EMC3: variants seen among roughly 807,000 people sequenced by gnomAD.
The protein encoded by EMC3 is 30 kDa protein.
Under a neutral mutation model 36.6 loss-of-function variants are expected in EMC3, and 13 were observed. That is an observed-to-expected ratio of 0.35 (90% CI 0.23 to 0.56). The LOEUF is 0.56. Ranked by LOEUF, EMC3 falls within the 20% of genes least tolerant of loss-of-function variation. The pLI is 0.84. For missense variants in EMC3, 220 were observed against 324.5 expected (o/e 0.68, Z 2.47); for synonymous variants, 120 against 111.9 (o/e 1.07, Z -0.46).
At chr3:9,996,809 G>A (rs74981345) in intron 1 of EMC3, among the ~76,000 whole-genome samples, 29 of 152,062 alleles carry the variant, frequency 1.9e-4, no homozygotes, top group Non-Finnish European at 4.0e-4. Context: ...ACAAATTTGT[G>A]TTTACCTGTA....
At chr3:9,982,784 G>A (rs1284817110) in intron 1 of EMC3, among the ~76,000 whole-genome samples, 1 of 151,944 alleles carries the variant, frequency 6.6e-6, no homozygotes, top group African/African-American at 2.4e-5. Flanking sequence ...CTACTCGAGA[G>A]GCTGAGGTGG....
intron 1 of EMC3, chr3:10,000,559 G>A: frequency 3.3e-6 from 1 of 305,076 alleles, no homozygotes; most frequent in East Asian, 7.6e-5. Flanking sequence ...GATTTCTGGT[G>A]TATGAGATCT....
At position 9,963,398 on chromosome 3, in the gene EMC3, A is replaced by C. The variant is rs530265245; in HGVS notation, c.*671T>G. On this transcript the variant is annotated 3_prime_UTR_variant, in exon 8 of 8. Coordinates refer to ENST00000245046, the MANE Select transcript of EMC3 (RefSeq NM_001394674.1). Reference sequence around the variant, plus strand: ...GCTAGATGTCAGGCTGACTGCACATAATCATTAGCTATAATTAACAATGCT... The same window carrying C: ...GCTAGATGTCAGGCTGACTGCACATCATCATTAGCTATAATTAACAATGCT... 6.6e-6 allele frequency: 1 copy of C among 150,918 alleles called. No homozygotes were observed. Among genetic ancestry groups the C allele is most frequent in the South Asian group, 2.1e-4 (1 of 4,788 alleles). The allele number at this position is 150,918 out of a possible 1,614,324, so 9.3% of individuals were successfully genotyped here. A position where few individuals can be genotyped will look rare whatever the true frequency, so the allele number is the denominator to read the frequency against.
intron 1 of EMC3, among the ~76,000 whole-genome samples, chr3:9,985,024 T>G (rs1387453098): frequency 3.3e-5 from 5 of 152,382 alleles, no homozygotes; most frequent in East Asian, 1.9e-4. Flanking sequence ...TGGTTATTAT[T>G]CTTCTTGGCA....
intron 5 of EMC3, among the ~76,000 whole-genome samples, chr3:9,972,778 CA>C (rs2085800674): frequency 1.3e-5 from 2 of 151,090 alleles, no homozygotes; most frequent in Admixed American, 6.6e-5. Flanking sequence ...AAAAAAAACC[CA>C]AAAAACTTTA....
chr3:9,974,487 A>T lies in EMC3; in HGVS notation c.309T>A (p.Asp103Glu). 6.3e-7 allele frequency: 1 copy of T among 1,598,546 alleles called. No individual in the cohort carries two copies. Among genetic ancestry groups the T allele is most frequent in the Non-Finnish European group, 8.6e-7 (1 of 1,166,060 alleles). Residue 103 changes from aspartate to glutamate, a missense_variant and splice_region_variant, in exon 4 of 8, where the codon GAT (aspartate) becomes GAA (glutamate). By Grantham distance (45) the Asp-to-Glu change is conservative. This residue lies in a region of EMC3 where 127 missense variants were observed against 174.6 expected (regional missense o/e 0.73). Coordinates refer to ENST00000245046, the MANE Select transcript of EMC3 (RefSeq NM_001394674.1). Reference sequence around the variant, plus strand: ...TCATCATGTCTGTCAACATAGTAGGATCTAAGACAAAAGCACAAACAAGAA... The same window carrying T: ...TCATCATGTCTGTCAACATAGTAGGTTCTAAGACAAAAGCACAAACAAGAA... The part of the protein sequence containing the change: ...RKVVPPSPMT[D>E]PTMLTDMMKG...
intron 1 of EMC3, chr3:10,003,278 C>T (rs531767307): frequency 4.9e-5 from 22 of 452,482 alleles, no homozygotes; most frequent in African/African-American, 4.4e-4. Flanking sequence ...TCAGCCTTGC[C>T]AATAAGGAGG....
At chr3:10,004,331 C>A (rs1352970168) in intron 1 of EMC3, 1 of 152,200 alleles carries the variant, frequency 6.6e-6, no homozygotes, top group Non-Finnish European at 1.5e-5. Context: ...CCTGGACCAC[C>A]TGAATCCCAA....
chr3:9,982,887 A>T (rs965400003), intron 1 of EMC3, among the ~76,000 whole-genome samples: 3 of 142,250 alleles, frequency 2.1e-5, no homozygotes, highest in Non-Finnish European at 3.1e-5. Context: ...CTTGTCACTT[A>T]AAAAAAAAAA....
chr3:9,975,009 C>T (rs2085830498), intron 3 of EMC3, among the ~76,000 whole-genome samples: 1 of 151,666 alleles, frequency 6.6e-6, no homozygotes, highest in Non-Finnish European at 1.5e-5. Context: ...TACAGGCACA[C>T]ACTACAATGC....
At chr3:10,000,863 T>C (rs562602624) in intron 1 of EMC3, 2 of 484,712 alleles carry the variant, frequency 4.1e-6, no homozygotes, top group African/African-American at 3.9e-5. Context: ...AGATTAGGCC[T>C]AGTCTTGTGC....
At chr3:9,979,559 A>G (rs1368209364) in intron 1 of EMC3, among the ~76,000 whole-genome samples, 1 of 152,238 alleles carries the variant, frequency 6.6e-6, no homozygotes, top group Non-Finnish European at 1.5e-5. Flanking sequence ...CTTTCATTGA[A>G]CAAATATTTC....
intron 1 of EMC3, chr3:10,006,938 T>C: frequency 3.3e-6 from 1 of 307,028 alleles, no homozygotes; most frequent in South Asian, 2.6e-5. Flanking sequence ...TGCAGCACTT[T>C]CCTGCAAAGC....
At position 9,983,961 on chromosome 3, in the gene EMC3, C is replaced by T. The variant is rs570642889; in HGVS notation, c.155+2546G>A. Among the ~76,000 whole-genome samples the T allele has an allele frequency of 3.3e-5, 5 of 152,294 alleles. No homozygotes were observed. The South Asian group carries it at 1.0e-3, about 32-fold the overall frequency. On this transcript the variant is annotated intron_variant, in intron 1 of 7. Transcript: ENST00000245046. Reference sequence around the variant, plus strand: ...ATTGTAAAAATGGGTTAAGGAGTATCTGCTTCAGTGCTAATGTAAGGCTAA... The same window carrying T: ...ATTGTAAAAATGGGTTAAGGAGTATTTGCTTCAGTGCTAATGTAAGGCTAA...
At position 9,993,066 on chromosome 3, in the gene EMC3, C is replaced by T. The variant is rs1401243309; in HGVS notation, c.-241-6164G>A. 6.4e-6 allele frequency: 6 copies of T among 932,498 alleles called. No homozygotes were observed. The African/African-American group carries it at 6.6e-5, about 10-fold the overall frequency. 57.8% of individuals were successfully genotyped at this position (932,498 alleles called of 1,614,324 possible). On this transcript the variant is annotated intron_variant, in intron 1 of 8. Coordinates refer to the EMC3 transcript ENST00000470827. ...CTAAAACAGAAAGCTTTACAGCTCT[C>T]ATGTAAAATTTCATCTTATTTCAGT...
chr3:9,980,975 G>A (rs542961973), intron 1 of EMC3, among the ~76,000 whole-genome samples: 1 of 152,140 alleles, frequency 6.6e-6, no homozygotes, highest in African/African-American at 2.4e-5. Flanking sequence ...TGGGAGGATT[G>A]CTTGAGCCCT....
At position 9,974,241 on chromosome 3, in the gene EMC3, C is replaced by G. The variant is rs1205065951; in HGVS notation, c.412+143G>C. 4 of 618,740 alleles carry G rather than the reference C, an allele frequency of 6.5e-6. No individual in the cohort carries two copies. In the East Asian group the frequency reaches 1.1e-4, roughly 17 times the overall value. The allele number at this position is 618,740 out of a possible 1,614,324, so 38.3% of individuals were successfully genotyped here. On this transcript the variant is annotated intron_variant, in intron 4 of 7. Transcript: ENST00000245046. ...ACTTAGGATCATTTTTGGGCAAAAG[C>G]CGTAAAAGTCATCACATATTAAATT...
intron 3 of EMC3, 119 bp downstream of exon 3, chr3:9,976,838 A>T: frequency 1.4e-6 from 1 of 723,016 alleles, no homozygotes; most frequent in Non-Finnish European, 2.4e-6. Flanking sequence ...AAGGTCTAAG[A>T]TTACTATCTT....
intron 1 of EMC3, among the ~76,000 whole-genome samples, chr3:9,995,550 C>G (rs1264395470): frequency 6.6e-6 from 1 of 150,718 alleles, no homozygotes; most frequent in Non-Finnish European, 1.5e-5. Context: ...ATTGGAGAGG[C>G]CTCGGTGGTG....
Sources: gnomAD v4.1 joint callset for allele counts (sites outside exome capture counted in the v4.1 genomes callset) on GRCh38, gnomAD v4.1.1 for gene constraint, gnomAD v4.1.1 regional missense constraint, MANE v1.5 for transcripts, NCBI Gene and HGNC (gene_info 2026-07-23, HGNC 2026-07-21) for gene names.